TPP2: variants seen among roughly 807,000 people sequenced by gnomAD.
The protein encoded by TPP2 is tripeptidyl peptidase 2.
TPP2 carries 34 observed loss-of-function variants against 155.9 expected under a neutral mutation model. The observed-to-expected ratio is 0.22, with a 90% confidence interval of 0.17 to 0.29. The LOEUF is 0.29. TPP2 is among the 10% of genes least tolerant of loss of function. TPP2 has a pLI of 1.00. For missense variants in TPP2, 1,028 were observed against 1,522.3 expected, an observed-to-expected ratio of 0.68 and a Z score of 5.40; for synonymous variants, 510 against 529.4, an observed-to-expected ratio of 0.96 and a Z score of 0.50.
At chr13:102,601,894 A>T (rs1319296979) in intron 1 of TPP2, among the ~76,000 whole-genome samples, 1 of 152,228 alleles carries the variant, frequency 6.6e-6, no homozygotes, top group Non-Finnish European at 1.5e-5. Context: ...TTTGTAATGA[A>T]AATTTGTGTG....
chr13:102,612,714 A>G (rs772981880), intron 2 of TPP2, among the ~76,000 whole-genome samples: 1 of 152,188 alleles, frequency 6.6e-6, no homozygotes, highest in Non-Finnish European at 1.5e-5. Context: ...TGATTTGAGA[A>G]GTATCTGGTT....
At chr13:102,635,849 A>G in intron 12 of TPP2, 147 bp downstream of exon 12, 1 of 668,262 alleles carries the variant, frequency 1.5e-6, no homozygotes, top group Non-Finnish European at 2.5e-6. Context: ...CAAAAAGGAT[A>G]CACAAACAAA....
chr13:102,620,332 A>G (rs1881062798), intron 5 of TPP2, among the ~76,000 whole-genome samples: 2 of 152,260 alleles, frequency 1.3e-5, no homozygotes, highest in South Asian at 2.1e-4. Context: ...CTGAAATCTC[A>G]GAATAACATT....
intron 1 of TPP2, 32 bp from the exon 2 acceptor site, chr13:102,604,761 A>G (rs1879694473): frequency 1.9e-6 from 3 of 1,600,298 alleles, no homozygotes; most frequent in Non-Finnish European, 8.5e-7. Flanking sequence ...CCTAAAATCT[A>G]CCATTCATAT....
At chr13:102,620,632 G>A (rs992543928) in intron 5 of TPP2, among the ~76,000 whole-genome samples, 5 of 152,056 alleles carry the variant, frequency 3.3e-5, no homozygotes, top group Non-Finnish European at 7.4e-5. Context: ...GTTTGATGAC[G>A]AATGTCCAGT....
In TPP2 at chr13:102,649,106, C is replaced by T; in HGVS notation, c.2828C>T (p.Pro943Leu). Residue 943 changes from proline to leucine, a missense_variant, in exon 22 of 30, where the codon CCC becomes CTC. By Grantham distance (98) the Pro-to-Leu change is moderately conservative (BLOSUM62 -3). This residue lies in a region of TPP2 where 179 missense variants were observed against 274.7 expected (regional missense o/e 0.65). Transcript: ENST00000376052. ...AAATCAAGCAATTTGACATTACCAC[C>T]CAAATATAACCAGCCATTCTTTGTT... ...KKKSSNLTLP[P>L]KYNQPFFVTS... 2 of 1,612,024 alleles carry T rather than the reference C, an allele frequency of 1.2e-6. No homozygotes were observed. Among genetic ancestry groups the T allele is most frequent in the South Asian group, 1.1e-5 (1 of 90,572 alleles).
chr13:102,619,978 T>C (rs532284047), intron 5 of TPP2, among the ~76,000 whole-genome samples: 2 of 152,256 alleles, frequency 1.3e-5, no homozygotes, highest in South Asian at 4.1e-4. Context: ...TCAAGGAAAA[T>C]GCTAAATACG....
In TPP2 at chr13:102,630,195, G is replaced by A. The variant is rs1881922898; in HGVS notation, c.1244G>A (p.Ser415Asn). ...NQYTWSSRGP[S>N]ADGALGVSIS... is the part of the protein sequence containing the mutation. ...TATACTTGGTCTTCTAGAGGACCTA[G>A]GTAGGTGCAGGTAGAACGCGGAACC... The change falls in exon 10 of 30, where the codon AGT becomes AAT. Residue 415 changes from serine (S) to asparagine (N), a missense_variant and splice_region_variant. Ser to Asn is a conservative substitution (Grantham distance 46). Around this residue, in one of 7 missense-constraint regions of TPP2, gnomAD observed 63 missense variants for 165.7 expected, o/e 0.38. Coordinates refer to ENST00000376052, the MANE Select transcript of TPP2 (RefSeq NM_001330588.2). 1 of 1,607,454 alleles carries A rather than the reference G, an allele frequency of 6.2e-7. No homozygotes were observed. Among genetic ancestry groups the A allele is most frequent in the African/African-American group, 1.3e-5 (1 of 74,750 alleles).
chr13:102,632,513 T>TAC (rs1220014333), intron 10 of TPP2, among the ~76,000 whole-genome samples: 1 of 152,182 alleles, frequency 6.6e-6, no homozygotes. Context: ...GTGCTGGAAT[T>TAC]ACAGGTGTGA....
At chr13:102,657,963 T>G (rs1883967374) in intron 25 of TPP2, among the ~76,000 whole-genome samples, 1 of 152,198 alleles carries the variant, frequency 6.6e-6, no homozygotes, top group Non-Finnish European at 1.5e-5. Flanking sequence ...GATGTTATCA[T>G]TCGTTATTAG....
At chr13:102,673,972 A>G (rs1258434269) in intron 27 of TPP2, among the ~76,000 whole-genome samples, 1 of 152,180 alleles carries the variant, frequency 6.6e-6, no homozygotes, top group Admixed American at 6.5e-5. Context: ...CGTTTACCTG[A>G]TTAAGAGTTA....
chr13:102,610,391 G>C (rs1376546975), intron 2 of TPP2, among the ~76,000 whole-genome samples: 1 of 152,052 alleles, frequency 6.6e-6, no homozygotes, highest in African/African-American at 2.4e-5. Flanking sequence ...ACCATGCCCG[G>C]CTAATTTTTT....
chr13:102,652,902 T>G (rs563804280), intron 24 of TPP2, among the ~76,000 whole-genome samples: 1 of 152,306 alleles, frequency 6.6e-6, no homozygotes, highest in South Asian at 2.1e-4. Flanking sequence ...AAAAATAGTT[T>G]GCAAGTTACT....
intron 6 of TPP2, among the ~76,000 whole-genome samples, chr13:102,626,286 G>A (rs1376909901): frequency 6.6e-6 from 1 of 152,122 alleles, no homozygotes; most frequent in Non-Finnish European, 1.5e-5. Context: ...ATTTTTGTAT[G>A]TGACTTCTTT....
chr13:102,673,214 G>A (rs558506390), intron 27 of TPP2, among the ~76,000 whole-genome samples: 1 of 152,302 alleles, frequency 6.6e-6, no homozygotes, highest in Admixed American at 6.5e-5. Context: ...ATGTGGGTGA[G>A]CCCTTGAGCC....
chr13:102,640,405 C>T, intron 16 of TPP2, 29 bp downstream of exon 16: 2 of 1,541,808 alleles, frequency 1.3e-6, no homozygotes, highest in Non-Finnish European at 1.8e-6. Flanking sequence ...TGTGTGACCG[C>T]TTATCTCTGT....
intron 5 of TPP2, among the ~76,000 whole-genome samples, chr13:102,619,108 G>A (rs1880961046): frequency 6.6e-6 from 1 of 152,078 alleles, no homozygotes; most frequent in Non-Finnish European, 1.5e-5. Flanking sequence ...TTGACCATCC[G>A]TATATTTGGA....
intron 27 of TPP2, 60 bp downstream of exon 27, chr13:102,664,985 G>C: frequency 6.3e-7 from 1 of 1,587,580 alleles, no homozygotes; most frequent in Non-Finnish European, 8.6e-7. Flanking sequence ...TGTTTAAAAA[G>C]TAGGGACTAA....
In TPP2 at chr13:102,659,541, G is replaced by T. The variant is rs146471298; in HGVS notation, c.3143+2334G>T. On this transcript the variant is annotated intron_variant, in intron 25 of 29. Transcript: ENST00000376052. ...TGACTTCTGAGCAGAAACAGTAGAG[G>T]TCAGAAAGCAGTGGGATAATATATT... Among the ~76,000 whole-genome samples the T allele has an allele frequency of 6.8e-3, 1,032 of 152,250 alleles. 4 individuals are homozygous for T. Among genetic ancestry groups the T allele is most frequent in the Non-Finnish European group, 0.011 (727 of 68,010 alleles).
Sources: allele counts gnomAD v4.1 joint callset (sites outside exome capture counted in the v4.1 genomes callset), GRCh38; gene constraint gnomAD v4.1.1; regional missense constraint gnomAD v4.1.1; transcripts MANE v1.5; gene names NCBI Gene and HGNC (gene_info 2026-07-23, HGNC 2026-07-21).